RIPK4: variants seen among roughly 807,000 people sequenced by gnomAD.
RIPK4 encodes the protein receptor-interacting serine/threonine-protein kinase 4.
RIPK4 carries 17 observed loss-of-function variants against 42.9 expected under a neutral mutation model. The observed-to-expected ratio is 0.40, with a 90% CI of 0.27 to 0.59. RIPK4 has a LOEUF of 0.59. Ranked by LOEUF, RIPK4 falls within the 20% of genes least tolerant of loss-of-function variation. The pLI, the probability that RIPK4 is intolerant of heterozygous loss-of-function variation, is 0.47. For synonymous variants in RIPK4, 498 were observed against 499.1 expected, an observed-to-expected ratio of 1.00 and a Z score of 0.03; for missense variants, 897 against 1,104.4, an observed-to-expected ratio of 0.81 and a Z score of 2.66.
In RIPK4 at chr21:41,741,348, C is replaced by T; in HGVS notation, c.1845G>A (p.Gly615=). 1 of 1,610,858 alleles carries T rather than the reference C, an allele frequency of 6.2e-7. No individual in the cohort carries two copies. The highest frequency in any genetic ancestry group is 8.5e-7 in the Non-Finnish European group (1 of 1,179,764). ...TGAGGATGCGGGCCACGCGGTAGTG[C>T]CCGCGCTGTGCGGCCAGGTGCAATG... ...RTPLHLAAQR[G]HYRVARILID... The change falls in exon 8 of 8, where the codon GGG becomes GGA. Residue 615 remains glycine (G), a synonymous_variant. Coordinates refer to ENST00000332512, the MANE Select transcript of RIPK4 (RefSeq NM_020639.3).
At chr21:41,752,316 G>C (rs1463877141) in intron 2 of RIPK4, among the ~76,000 whole-genome samples, 1 of 152,136 alleles carries the variant, frequency 6.6e-6, no homozygotes, top group Non-Finnish European at 1.5e-5. Flanking sequence ...CTTAATTCTG[G>C]GCTGGCCATG....
rs759514922 is a variant in RIPK4, at chr21:41,744,081, G to A, written c.996C>T (p.Leu332=). 6.2e-6 allele frequency: 10 copies of A among 1,611,960 alleles called. No individual in the cohort carries two copies. The South Asian group carries it at 7.7e-5, about 12-fold the overall frequency. The change falls in exon 7 of 8, where the codon CTC becomes CTT. Residue 332 remains leucine (L), a synonymous_variant. Coordinates refer to ENST00000332512, the MANE Select transcript of RIPK4 (RefSeq NM_020639.3). ...SAPTFDNDYS[L]SELLSQLDSG... is the part of the protein sequence containing the mutation. ...AGTCCAGCTGTGAGAGCAGCTCGGA[G>A]AGGCTGTAGTCGTTATCGAAGGTGG...
At chr21:41,764,160 G>A (rs2871118) in intron 1 of RIPK4, among the ~76,000 whole-genome samples, 40,614 of 152,052 alleles carry the variant, frequency 0.27, 5,739 homozygotes, top group African/African-American at 0.31. Context: ...GGGGCTGGGC[G>A]GCCCCCCAAC....
chr21:41,754,734 C>T (rs886941246), intron 2 of RIPK4, among the ~76,000 whole-genome samples: 2 of 152,204 alleles, frequency 1.3e-5, no homozygotes, highest in Admixed American at 1.3e-4. Flanking sequence ...CACTCCCACC[C>T]CCTCCCACAG....
At position 41,740,889 on chromosome 21, in the gene RIPK4, G is replaced by A; in HGVS notation, c.2304C>T (p.Phe768=). ...GAHINLQSLK[F]QGGHGPAATL... ...TGGCGGCGGGGCCATGGCCGCCCTG[G>A]AACTTGAGGCTCTGCAGGTTGATGT... Residue 768 remains phenylalanine, a synonymous_variant, in exon 8 of 8, where the codon TTC becomes TTT. Coordinates refer to ENST00000332512, the MANE Select transcript of RIPK4 (RefSeq NM_020639.3). The A allele has an allele frequency of 6.2e-7, 1 of 1,612,000 alleles. No individual in the cohort carries two copies. Among genetic ancestry groups the A allele is most frequent in the Non-Finnish European group, 8.5e-7 (1 of 1,179,544 alleles).
At chr21:41,750,872 T>C (rs939281681) in intron 3 of RIPK4, among the ~76,000 whole-genome samples, 1 of 152,128 alleles carries the variant, frequency 6.6e-6, no homozygotes, top group Non-Finnish European at 1.5e-5. Context: ...GAGATGAGGT[T>C]TCACCATGTT....
rs1400113777 is a variant in RIPK4, at chr21:41,755,254, T to C, written c.474+1271A>G. 6.6e-6 allele frequency among the ~76,000 whole-genome samples: 1 copy of C among 152,202 alleles called. No individual in the cohort carries two copies. Among genetic ancestry groups the C allele is most frequent in the Non-Finnish European group, 1.5e-5 (1 of 68,024 alleles). On this transcript the variant is annotated intron_variant, in intron 2 of 7. Transcript: ENST00000332512. This position sits in a 1 kb window ranked among gnomAD's most constrained non-coding sequence, Gnocchi z 4.2. ...TTGATTTTTGTCTCCATTATCTCAA[T>C]TTCCTACTTCACTTCGCAGGACGGT...
At position 41,740,901 on chromosome 21, in the gene RIPK4, C is replaced by T; in HGVS notation, c.2292G>A (p.Gln764=). The T allele has an allele frequency of 1.9e-6, 3 of 1,612,500 alleles. No homozygotes were observed. The highest frequency in any genetic ancestry group is 2.5e-6 in the Non-Finnish European group (3 of 1,179,766). Residue 764 remains glutamine (Q), a synonymous_variant, in exon 8 of 8, where the codon CAG becomes CAA. Transcript: ENST00000332512. ...CATGGCCGCCCTGGAACTTGAGGCT[C>T]TGCAGGTTGATGTGGGCCCCATGCC... ...LLRHGAHINL[Q]SLKFQGGHGP...
At chr21:41,753,628 T>C (rs1250233788) in intron 2 of RIPK4, among the ~76,000 whole-genome samples, 3 of 152,124 alleles carry the variant, frequency 2.0e-5, no homozygotes, top group Non-Finnish European at 4.4e-5. Flanking sequence ...GACCAGCAAA[T>C]GCTTCAAGAG....
chr21:41,747,925 T>C (rs1006509405), intron 4 of RIPK4, among the ~76,000 whole-genome samples: 14 of 152,198 alleles, frequency 9.2e-5, no homozygotes, highest in African/African-American at 2.9e-4. Flanking sequence ...ACACGAATAA[T>C]TCCCATATGA....
chr21:41,761,655 T>C (rs541162817), intron 1 of RIPK4, among the ~76,000 whole-genome samples: 2 of 152,370 alleles, frequency 1.3e-5, no homozygotes, highest in Admixed American at 1.3e-4. Flanking sequence ...AGGGTCATTT[T>C]TCCACATTAA....
At position 41,755,312 on chromosome 21, in the gene RIPK4, G is replaced by A. The variant is rs568129650; in HGVS notation, c.474+1213C>T. Among the ~76,000 whole-genome samples the A allele has an allele frequency of 2.0e-5, 3 of 152,124 alleles. No individual in the cohort carries two copies. The highest frequency in any genetic ancestry group is 7.2e-5 in the African/African-American group (3 of 41,416). ...CTTCTAGCTGAAATCTTATTACTGC[G>A]CAACACCTACCTAAGAGACAACTTA... On this transcript the variant is annotated intron_variant, in intron 2 of 7. Transcript: ENST00000332512. This position sits in a 1 kb window ranked among gnomAD's most constrained non-coding sequence, Gnocchi z 4.2.
At chr21:41,758,039 TATAGAG>T (rs1440254705) in intron 1 of RIPK4, among the ~76,000 whole-genome samples, 47 of 89,014 alleles carry the variant, frequency 5.3e-4, no homozygotes, top group African/African-American at 2.5e-3. Context: ...TATATATATA[TATAGAG>T]AGAGAGAGAG....
chr21:41,766,868 G>A lies in RIPK4; in HGVS notation c.174C>T (p.Val58=), dbSNP rs757257003. ...CCGCCCGGGCCGCTCACCTGTCGTC[G>A]ACGTGCAGGCTGGGCGAGCACTTGA... ...LAIKCSPSLH[V]DDRERMELLE... The change falls in exon 1 of 8, where the codon GTC becomes GTT. Residue 58 remains valine, a synonymous_variant. Coordinates refer to ENST00000332512, the MANE Select transcript of RIPK4 (RefSeq NM_020639.3). The A allele has an allele frequency of 3.1e-6, 5 of 1,608,698 alleles. No individual in the cohort carries two copies. In the South Asian group the frequency reaches 5.5e-5, roughly 18 times the overall value.
At chr21:41,746,151 G>T in intron 5 of RIPK4, 1 of 670,326 alleles carries the variant, frequency 1.5e-6, no homozygotes, top group Admixed American at 1.9e-5. Flanking sequence ...TGGCGGATGA[G>T]CTCCCCATTC....
rs377262370 is a variant in RIPK4 at position 41,742,663 on chromosome 21, T to A, written c.1196-666A>T. Among the ~76,000 whole-genome samples, 7 of 152,152 alleles carry A rather than the reference T, an allele frequency of 4.6e-5. No individual in the cohort carries two copies. In the East Asian group the frequency reaches 1.2e-3, roughly 25 times the overall value. ...GCAACGAGACTCTCCTCCGCCCTCA[T>A]GTGAAACGCGTGGGGACTTGGAAGT... is the stretch of plus-strand genomic sequence containing the variant. On this transcript the variant is annotated intron_variant, in intron 7 of 7. Transcript: ENST00000332512. This position sits in a 1 kb window ranked among gnomAD's most constrained non-coding sequence, Gnocchi z 5.1.
chr21:41,748,849 C>T (rs370066458), intron 4 of RIPK4, among the ~76,000 whole-genome samples: 96 of 152,294 alleles, frequency 6.3e-4, no homozygotes, highest in East Asian at 3.3e-3. Context: ...ACAGTGGTAA[C>T]GCTTGTTCAA....
At position 41,741,296 on chromosome 21, in the gene RIPK4, AG is replaced by A. The variant is rs1206158673; in HGVS notation, c.1896del (p.Cys633AlafsTer34). On this transcript the variant is annotated frameshift_variant, in exon 8 of 8. Coordinates refer to ENST00000332512, the MANE Select transcript of RIPK4 (RefSeq NM_020639.3). LOFTEE classifies it low-confidence loss of function (END_TRUNC). The part of the protein sequence containing the change: ...ILIDLCSDVN[V>X]CSLLAQTPLH... ...AGGGGTGTCTGTGCCAGCAGGCTGC[AG>A]ACGTTGACGTCGGAGCACAGGTCGA... is the stretch of plus-strand genomic sequence containing the variant. 1 of 1,607,798 alleles carries A rather than the reference AG, an allele frequency of 6.2e-7. No homozygotes were observed. Among genetic ancestry groups the A allele is most frequent in the East Asian group, 2.2e-5 (1 of 44,788 alleles).
Position 41,740,727 on chromosome 21 carries a change from A to C in RIPK4, c.*111T>G. 1 of 1,075,974 alleles carries C rather than the reference A, an allele frequency of 9.3e-7. No individual in the cohort carries two copies. The highest frequency in any genetic ancestry group is 1.3e-6 in the Non-Finnish European group (1 of 768,856). 66.7% of individuals were successfully genotyped at this position (1,075,974 alleles called of 1,614,324 possible). A position where few individuals can be genotyped will look rare whatever the true frequency, so the allele number is the denominator to read the frequency against. On this transcript the variant is annotated 3_prime_UTR_variant, in exon 8 of 8. Coordinates refer to ENST00000332512, the MANE Select transcript of RIPK4 (RefSeq NM_020639.3). ...GGCACCATGTCACCTCTGCTTGGTT[A>C]ACATTTAGGTAAGCCACAACAGGGC...
Sources: allele counts gnomAD v4.1 joint callset (sites outside exome capture counted in the v4.1 genomes callset), GRCh38; gene constraint gnomAD v4.1.1; non-coding constraint Gnocchi (gnomAD v3.1); transcripts MANE v1.5; gene names NCBI Gene and HGNC (gene_info 2026-07-23, HGNC 2026-07-21).